The following TMEM182 variants were observed in gnomAD, a reference collection of about 807,000 sequenced individuals.
The protein encoded by TMEM182 is transmembrane protein 182.
A neutral mutation model predicts 26.8 loss-of-function variants in TMEM182; 20 were observed. That is an observed-to-expected ratio of 0.75 (90% confidence interval 0.53 to 1.09). The LOEUF is 1.09. Among genes scored for constraint, TMEM182 ranks in the 50% least tolerant of loss-of-function variants. The pLI is 0.00. For synonymous variants in TMEM182, 109 were observed against 102.2 expected, an observed-to-expected ratio of 1.07 and a Z score of -0.40; for missense variants, 277 against 275.5, an observed-to-expected ratio of 1.01 and a Z score of -0.04.
chr2:102,790,801 ACTCTT>A (rs1681603587), intron 3 of TMEM182, among the ~76,000 whole-genome samples: 1 of 151,374 alleles, frequency 6.6e-6, no homozygotes, highest in Non-Finnish European at 1.5e-5. Context: ...TATAGTTAAT[ACTCTT>A]TCTATTATAT....
intron 1 of TMEM182, among the ~76,000 whole-genome samples, chr2:102,737,745 A>G (rs1183368185): frequency 6.6e-6 from 1 of 152,240 alleles, no homozygotes; most frequent in African/African-American, 2.4e-5. Flanking sequence ...AGATGCCTTT[A>G]AATTACTTAG....
Position 102,752,531 on chromosome 2 carries a change from T to C in TMEM182, c.-82-5858T>C, listed in dbSNP as rs186166665. 2.0e-4 allele frequency among the ~76,000 whole-genome samples: 31 copies of C among 152,356 alleles called. No homozygotes were observed. The East Asian group carries it at 6.0e-3, about 29-fold the overall frequency. On this transcript the variant is annotated intron_variant, in intron 1 of 5. Transcript: ENST00000409173. The stretch of plus-strand genomic sequence containing the variant: ...CAGGCCTGGGACAGTGGCCTCTGCC[T>C]GGACCACTTCTGACTATTTTACAGT...
At chr2:102,737,530 G>A (rs1192752704) in intron 1 of TMEM182, among the ~76,000 whole-genome samples, 1 of 152,214 alleles carries the variant, frequency 6.6e-6, no homozygotes, top group African/African-American at 2.4e-5. Flanking sequence ...ATGAGGTGGG[G>A]AGTGAGCTAC....
chr2:102,835,738 T>G (rs113953656), intron 3 of TMEM182, among the ~76,000 whole-genome samples: 3,293 of 152,242 alleles, frequency 0.022, 137 homozygotes, highest in African/African-American at 0.075. Context: ...AGGGTACATG[T>G]GCACAACATG....
intron 3 of TMEM182, among the ~76,000 whole-genome samples, chr2:102,765,767 C>T (rs1221258575): frequency 6.6e-6 from 1 of 151,958 alleles, no homozygotes; most frequent in Admixed American, 6.6e-5. Flanking sequence ...TGTGCTTGTC[C>T]ACCAGGATTC....
upstream of TMEM182, among the ~76,000 whole-genome samples, chr2:102,757,061 C>T (rs186983351): frequency 1.4e-4 from 22 of 152,188 alleles, no homozygotes; most frequent in South Asian, 4.2e-4. Context: ...CCACCTGCCT[C>T]GGCCTCCCAA....
Position 102,815,194 on chromosome 2 carries a change from A to C in TMEM182, c.*226A>C. 1 of 1,352,178 alleles carries C rather than the reference A, an allele frequency of 7.4e-7. No individual in the cohort carries two copies. The highest frequency in any genetic ancestry group is 9.5e-7 in the Non-Finnish European group (1 of 1,054,006). 83.8% of individuals were successfully genotyped at this position (1,352,178 alleles called of 1,614,324 possible). On this transcript the variant is annotated 3_prime_UTR_variant, in exon 5 of 5. Coordinates refer to ENST00000412401, the MANE Select transcript of TMEM182 (RefSeq NM_144632.5). ...AGTGCTGTCAAGGACCTAGTTCTTT[A>C]GGGAATAGGTAAACAGGTCTCCCTT...
intron 3 of TMEM182, among the ~76,000 whole-genome samples, chr2:102,783,672 C>T (rs944540802): frequency 6.6e-6 from 1 of 152,136 alleles, no homozygotes; most frequent in African/African-American, 2.4e-5. Context: ...GTTCCAGCAA[C>T]TCAGGAGACT....
At chr2:102,768,950 T>C (rs1291090794) in intron 3 of TMEM182, among the ~76,000 whole-genome samples, 1 of 152,012 alleles carries the variant, frequency 6.6e-6, no homozygotes, top group Non-Finnish European at 1.5e-5. Context: ...AAAAAGGTTA[T>C]TTTTCTCCTG....
At chr2:102,785,774 GTT>G (rs1681363634) in intron 3 of TMEM182, among the ~76,000 whole-genome samples, 1 of 152,084 alleles carries the variant, frequency 6.6e-6, no homozygotes, top group Admixed American at 6.5e-5. Context: ...AAGACTATAA[GTT>G]TCCCTGGGGA....
chr2:102,817,701 C>T (rs1006980419), downstream of TMEM182: 8 of 983,800 alleles, frequency 8.1e-6, no homozygotes, highest in Non-Finnish European at 8.4e-6. Context: ...GGTAATTATT[C>T]ATCTATTTAT....
intron 3 of TMEM182, among the ~76,000 whole-genome samples, chr2:102,840,131 A>G (rs565382332): frequency 1.3e-5 from 2 of 152,206 alleles, no homozygotes; most frequent in African/African-American, 4.8e-5. Flanking sequence ...CATTTCATCT[A>G]TAAAGAAATC....
chr2:102,816,824 G>A lies in TMEM182; in HGVS notation c.*1856G>A. The A allele has an allele frequency of 4.1e-6, 4 of 985,718 alleles. No homozygotes were observed. The highest frequency in any genetic ancestry group is 4.8e-6 in the Non-Finnish European group (4 of 829,894). The allele number at this position is 985,718 out of a possible 1,614,324, so 61.1% of individuals were successfully genotyped here. On this transcript the variant is annotated 3_prime_UTR_variant, in exon 5 of 5. Transcript: ENST00000412401. ...ATACAATTCTTTTTTGTAGTACTTTGGAATGGAGCCTTTTTCTGGTGTACT... is the reference window on the plus strand; with the variant it reads ...ATACAATTCTTTTTTGTAGTACTTTAGAATGGAGCCTTTTTCTGGTGTACT...
At chr2:102,812,964 A>C (rs1682608631) in intron 4 of TMEM182, among the ~76,000 whole-genome samples, 1 of 152,210 alleles carries the variant, frequency 6.6e-6, no homozygotes, top group African/African-American at 2.4e-5. Context: ...TTGTTGTCAA[A>C]ATCTGAGGTA....
Position 102,817,363 on chromosome 2 carries a change from T to C in TMEM182, c.*2395T>C. ...TCAAGGATATCTTTTCAGTTACACT[T>C]TTAGAAAGAGTGAATAAAAAGGGCA... On this transcript the variant is annotated 3_prime_UTR_variant, in exon 5 of 5. Coordinates refer to ENST00000412401, the MANE Select transcript of TMEM182 (RefSeq NM_144632.5). The C allele has an allele frequency of 1.0e-6, 1 of 985,406 alleles. No individual in the cohort carries two copies. The highest frequency in any genetic ancestry group is 1.2e-6 in the Non-Finnish European group (1 of 829,916). The allele number at this position is 985,406 out of a possible 1,614,324, so 61.0% of individuals were successfully genotyped here.
At chr2:102,793,940 C>G (rs1275026639) in intron 3 of TMEM182, among the ~76,000 whole-genome samples, 1 of 152,130 alleles carries the variant, frequency 6.6e-6, no homozygotes, top group Non-Finnish European at 1.5e-5. Flanking sequence ...CATGGTGGCT[C>G]ATGCCTATAA....
chr2:102,743,770 A>C (rs1446101687), intron 1 of TMEM182, among the ~76,000 whole-genome samples: 1 of 152,192 alleles, frequency 6.6e-6, no homozygotes, highest in East Asian at 1.9e-4. Flanking sequence ...GCTAGGGAAA[A>C]TTATATCATA....
chr2:102,758,515 G>A (rs1403205100), upstream of TMEM182: 1 of 716,520 alleles, frequency 1.4e-6, no homozygotes, highest in Non-Finnish European at 2.6e-6. Flanking sequence ...AGTCTAATAA[G>A]GATTTGTTAA....
chr2:102,805,766 C>T (rs762883257), intron 4 of TMEM182, among the ~76,000 whole-genome samples: 4 of 151,976 alleles, frequency 2.6e-5, no homozygotes, highest in African/African-American at 9.7e-5. Context: ...TTCTCTGAAC[C>T]GAGTGTGGTG....
Sources: gnomAD v4.1 joint callset for allele counts (sites outside exome capture counted in the v4.1 genomes callset) on GRCh38, gnomAD v4.1.1 for gene constraint, MANE v1.5 for transcripts, NCBI Gene and HGNC (gene_info 2026-07-23, HGNC 2026-07-21) for gene names.